The following USP34 variants were observed in gnomAD, a reference collection of about 807,000 sequenced individuals.
The protein encoded by USP34 is ubiquitin carboxyl-terminal hydrolase 34.
In USP34, 70 loss-of-function variants were observed where a neutral mutation model predicts 460.3. The observed-to-expected ratio is 0.15, with a 90% CI of 0.13 to 0.19. The LOEUF (loss-of-function observed/expected upper bound fraction) is 0.19. Ranked by LOEUF, USP34 falls within the 10% of genes least tolerant of loss-of-function variation. USP34 has a pLI of 1.00. For synonymous variants in USP34, 1,647 were observed against 1,405.3 expected (o/e 1.17, Z -3.85); for missense variants, 3,985 against 4,236.2 (o/e 0.94, Z 1.65).
intron 41 of USP34, among the ~76,000 whole-genome samples, chr2:61,271,843 G>T (rs903247417): frequency 2.6e-5 from 4 of 152,046 alleles, no homozygotes; most frequent in African/African-American, 4.8e-5. Context: ...TTCAGTTCTA[G>T]AACTATTTTT....
chr2:61,347,102 T>G (rs187873550), intron 15 of USP34, among the ~76,000 whole-genome samples: 95 of 152,054 alleles, frequency 6.2e-4, no homozygotes, highest in African/African-American at 1.7e-3. Flanking sequence ...ATCGTGCCAC[T>G]GCACTCCGGC....
chr2:61,349,039 G>C (rs1281144024), intron 13 of USP34, among the ~76,000 whole-genome samples, 153 bp from the exon 14 acceptor site: 1 of 148,714 alleles, frequency 6.7e-6, no homozygotes, highest in Non-Finnish European at 1.5e-5. Flanking sequence ...ATTTGCTCAT[G>C]ATTTCTAAAG....
chr2:61,321,348 G>A lies in USP34; in HGVS notation c.3014-2021C>T, dbSNP rs1315351585. 2.6e-5 allele frequency among the ~76,000 whole-genome samples: 4 copies of A among 152,138 alleles called. No individual in the cohort carries two copies. The East Asian group carries it at 7.8e-4, about 30-fold the overall frequency. On this transcript the variant is annotated intron_variant, in intron 21 of 79. Coordinates refer to ENST00000398571, the MANE Select transcript of USP34 (RefSeq NM_014709.4). ...TAGCTGGGTGTGGTGGCACATGCCT[G>A]TAGTCCCAGCTGCTCGGGAGGCTGA...
At chr2:61,267,630 T>C (rs1384813378) in intron 41 of USP34, among the ~76,000 whole-genome samples, 1 of 151,798 alleles carries the variant, frequency 6.6e-6, no homozygotes, top group South Asian at 2.1e-4. Flanking sequence ...TTTTGTTTGT[T>C]TGAGACAGAG....
At chr2:61,226,948 A>G in intron 62 of USP34, 119 bp downstream of exon 62, 1 of 1,149,146 alleles carries the variant, frequency 8.7e-7, no homozygotes, top group Non-Finnish European at 1.2e-6. Context: ...GCTAGTGAAT[A>G]ACAATTACAT....
intron 2 of USP34, among the ~76,000 whole-genome samples, chr2:61,406,911 G>C (rs1573010676): frequency 6.6e-6 from 1 of 152,030 alleles, no homozygotes; most frequent in East Asian, 1.9e-4. Context: ...TTGGGAGGCT[G>C]AGGTAGGAGA....
intron 43 of USP34, among the ~76,000 whole-genome samples, chr2:61,263,486 C>CTTT (rs762461093): frequency 7.3e-6 from 1 of 137,652 alleles, no homozygotes; most frequent in African/African-American, 2.7e-5. Context: ...TGGCCAAAGG[C>CTTT]TTTTTTTTTT....
chr2:61,199,334 C>T (rs991149205), intron 75 of USP34, among the ~76,000 whole-genome samples: 1 of 152,098 alleles, frequency 6.6e-6, no homozygotes, highest in African/African-American at 2.4e-5. Context: ...CGGCTCACTG[C>T]AACCTCCGCC....
intron 10 of USP34, among the ~76,000 whole-genome samples, chr2:61,359,364 T>C (rs1244115686): frequency 6.6e-6 from 1 of 152,146 alleles, no homozygotes; most frequent in African/African-American, 2.4e-5. Context: ...TTTCAACAAA[T>C]GGTGTTAGGA....
Position 61,206,105 on chromosome 2 carries a change from G to C in USP34, c.9066C>G (p.Ile3022Met), listed in dbSNP as rs1047412524. The change falls in exon 72 of 80, where the codon ATC becomes ATG. Residue 3022 changes from isoleucine (I) to methionine (M), a missense_variant. Coordinates refer to ENST00000398571, the MANE Select transcript of USP34 (RefSeq NM_014709.4). The part of the protein sequence containing the change: ...LQRKDVKQAL[I>M]QWQERIEFAH... ...CAAATTCAATTCGCTCCTGCCACTG[G>C]ATTAATGCTTGTTTCACATCTGCAA... The C allele has an allele frequency of 1.2e-6, 2 of 1,613,590 alleles. No homozygotes were observed. The highest frequency in any genetic ancestry group is 1.3e-5 in the African/African-American group (1 of 75,004).
intron 23 of USP34, among the ~76,000 whole-genome samples, chr2:61,317,300 G>T (rs1295266755): frequency 1.3e-5 from 2 of 152,218 alleles, no homozygotes; most frequent in Non-Finnish European, 2.9e-5. Context: ...GCCAAGGCAG[G>T]CAGATCACTT....
rs1689037383 is a variant in USP34, at chr2:61,266,132, C to G, written c.5469G>C (p.Leu1823Phe). The change falls in exon 42 of 80, where the codon TTG (leucine) becomes TTC (phenylalanine). Residue 1823 changes from leucine to phenylalanine, a missense_variant. Physicochemically the swap from Leu to Phe is conservative, Grantham distance 22. Coordinates refer to ENST00000398571, the MANE Select transcript of USP34 (RefSeq NM_014709.4). Reference sequence around the variant, plus strand: ...GTTGTCGGTCCTTTAGACTTGGCAACAAAAACAGGAGATTGAAGATATCTC... The same window carrying G: ...GTTGTCGGTCCTTTAGACTTGGCAAGAAAAACAGGAGATTGAAGATATCTC... ...FLRDIFNLLF[L>F]LPSLKDRQQP... is the part of the protein sequence containing the mutation. The G allele has an allele frequency of 6.2e-7, 1 of 1,611,726 alleles. No homozygotes were observed. Among genetic ancestry groups the G allele is most frequent in the Non-Finnish European group, 8.5e-7 (1 of 1,178,582 alleles).
intron 37 of USP34, among the ~76,000 whole-genome samples, chr2:61,282,242 C>T (rs76433149): frequency 6.6e-5 from 10 of 152,258 alleles, no homozygotes; most frequent in East Asian, 3.9e-4. Flanking sequence ...CCACCCACCT[C>T]GGCCTGTGAT....
At chr2:61,278,037 T>C (rs1044986525) in intron 41 of USP34, 128 bp downstream of exon 41, 1 of 1,212,078 alleles carries the variant, frequency 8.3e-7, no homozygotes, top group Non-Finnish European at 1.1e-6. Context: ...ATTAAACCCT[T>C]TTCTTTTGTA....
chr2:61,240,525 G>A (rs1029814278), intron 53 of USP34, among the ~76,000 whole-genome samples: 1 of 151,768 alleles, frequency 6.6e-6, no homozygotes, highest in Non-Finnish European at 1.5e-5. Flanking sequence ...TGATCCGCCC[G>A]CCTCGGCCTC....
At chr2:61,309,151 T>C (rs1044904433) in intron 27 of USP34, among the ~76,000 whole-genome samples, 9 of 152,210 alleles carry the variant, frequency 5.9e-5, no homozygotes, top group African/African-American at 1.7e-4. Flanking sequence ...ACCTCTAAAA[T>C]TGTGCAACAA....
chr2:61,248,491 G>T lies in USP34; in HGVS notation c.6394+20C>A. On this transcript the variant is annotated intron_variant, in intron 49 of 79. Transcript: ENST00000398571. ...AGATTGACAATAATCACAGACAAGA[G>T]AAAGAAATGAAAAAATCACCTTCTT... The T allele has an allele frequency of 6.5e-7, 1 of 1,532,776 alleles. No homozygotes were observed. The highest frequency in any genetic ancestry group is 1.4e-5 in the African/African-American group (1 of 72,498). 94.9% of individuals were successfully genotyped at this position (1,532,776 alleles called of 1,614,324 possible).
At chr2:61,414,515 A>G (rs1694139657) in intron 2 of USP34, among the ~76,000 whole-genome samples, 1 of 152,226 alleles carries the variant, frequency 6.6e-6, no homozygotes. Context: ...TGTCCTCTAC[A>G]ACAAGGAAGT....
intron 1 of USP34, among the ~76,000 whole-genome samples, chr2:61,437,354 G>A (rs555493149): frequency 3.5e-4 from 54 of 152,136 alleles, no homozygotes; most frequent in African/African-American, 1.0e-3. Flanking sequence ...ACATCATAAC[G>A]GATACCACAG....
Sources: allele counts gnomAD v4.1 joint callset (sites outside exome capture counted in the v4.1 genomes callset), GRCh38; gene constraint gnomAD v4.1.1; transcripts MANE v1.5; gene names NCBI Gene and HGNC (gene_info 2026-07-23, HGNC 2026-07-21).